The following ACBD7 variants were observed in gnomAD, a reference collection of about 807,000 sequenced individuals.
ACBD7 encodes acyl-CoA binding domain containing 7, also known as acyl-CoA-binding domain-containing protein 7.
Under a neutral mutation model 13.7 loss-of-function variants are expected in ACBD7, and 11 were observed. The observed-to-expected ratio is 0.80, with a 90% CI of 0.50 to 1.33. ACBD7 has a LOEUF of 1.33. Among genes scored for constraint, ACBD7 ranks in the 40% most tolerant of loss-of-function variants. The probability of loss-of-function intolerance (pLI) is 0.00; values close to 1 mark genes in which losing one functional copy is unlikely to be tolerated. For missense variants in ACBD7, 111 were observed against 103.0 expected, an observed-to-expected ratio of 1.08 and a Z score of -0.33; for synonymous variants, 43 against 37.7, an observed-to-expected ratio of 1.14 and a Z score of -0.51.
At position 15,086,281 on chromosome 10, in the gene ACBD7, T is replaced by C. The variant is rs187068070; in HGVS notation, c.12+2436A>G. Among the ~76,000 whole-genome samples the C allele has an allele frequency of 3.2e-3, 479 of 151,656 alleles. 4 individuals carry two copies. The highest frequency in any genetic ancestry group is 0.011 in the African/African-American group (439 of 41,296). ...AAGATCACGCCATTGCACTCCAGCC[T>C]GGGCAACAGAGCAAGACACCATCTC... On this transcript the variant is annotated intron_variant, in intron 1 of 3. Transcript: ENST00000356189.
chr10:15,088,331 A>C (rs779810803), intron 1 of ACBD7: 1 of 269,980 alleles, frequency 3.7e-6, no homozygotes, highest in Non-Finnish European at 6.9e-6. Flanking sequence ...TTTAAATTGG[A>C]GCCTCACAGA....
intron 1 of ACBD7, among the ~76,000 whole-genome samples, chr10:15,081,382 AATAAG>A (rs1415255698): frequency 6.6e-6 from 1 of 152,198 alleles, no homozygotes; most frequent in Non-Finnish European, 1.5e-5. Context: ...TTTAGCAGGA[AATAAG>A]ATAAGGGTAA....
At position 15,088,702 on chromosome 10, in the gene ACBD7, C is replaced by T. The variant is rs1844838425; in HGVS notation, c.12+15G>A. 6.3e-7 allele frequency: 1 copy of T among 1,597,062 alleles called. No homozygotes were observed. The highest frequency in any genetic ancestry group is 1.4e-5 in the African/African-American group (1 of 73,014). On this transcript the variant is annotated intron_variant, in intron 1 of 3. Coordinates refer to ENST00000356189, the MANE Select transcript of ACBD7 (RefSeq NM_001039844.3). ...GGAGCGCCCCTCCCGCGTGGCCTCC[C>T]CGCGCCCCGGGTACCTGCAGGGCCA...
At position 15,076,461 on chromosome 10, in the gene ACBD7, G is replaced by A. The variant is rs1205193725; in HGVS notation, c.*2069C>T. 4 of 967,812 alleles carry A rather than the reference G, an allele frequency of 4.1e-6. No homozygotes were observed. Among genetic ancestry groups the A allele is most frequent in the Non-Finnish European group, 4.9e-6 (4 of 814,476 alleles). The allele number at this position is 967,812 out of a possible 1,614,324, so 60.0% of individuals were successfully genotyped here. The stretch of plus-strand genomic sequence containing the variant: ...TAAAGAAAAATAGATATTCCTATGG[G>A]GGCTTTTTAAATTTCTTTAAACTGC... On this transcript the variant is annotated 3_prime_UTR_variant, in exon 4 of 4. Coordinates refer to ENST00000356189, the MANE Select transcript of ACBD7 (RefSeq NM_001039844.3).
At position 15,075,973 on chromosome 10, in the gene ACBD7, CAA is replaced by C. The variant is rs1444383590; in HGVS notation, c.*2555_*2556del. Reference sequence around the variant, plus strand: ...TGGGTAACAGAGTGACAGCCTGTCTCAACAAAAAAAAAAAAAAAAAAAAAGAA... The same window carrying C: ...TGGGTAACAGAGTGACAGCCTGTCTCCAAAAAAAAAAAAAAAAAAAAAGAA... On this transcript the variant is annotated 3_prime_UTR_variant, in exon 4 of 4. Coordinates refer to ENST00000356189, the MANE Select transcript of ACBD7 (RefSeq NM_001039844.3). The C allele has an allele frequency of 5.2e-5, 17 of 329,446 alleles. No individual in the cohort carries two copies. In the African/African-American group the frequency reaches 9.6e-4, roughly 19 times the overall value. The allele number at this position is 329,446 out of a possible 1,614,324, so 20.4% of individuals were successfully genotyped here. A position where few individuals can be genotyped will look rare whatever the true frequency, so the allele number is the denominator to read the frequency against.
In ACBD7 at chr10:15,078,685, A is replaced by T. The variant is rs1352481540; in HGVS notation, c.193+6T>A. Reference sequence around the variant, plus strand: ...TTTGCTTTAAACTTGTGAAAGACTAAAAAACCTTTTTTGAGGTTCCATGCT... The same window carrying T: ...TTTGCTTTAAACTTGTGAAAGACTATAAAACCTTTTTTGAGGTTCCATGCT... On this transcript the variant is annotated splice_donor_region_variant and intron_variant, in intron 3 of 3. Transcript: ENST00000356189. The T allele has an allele frequency of 6.2e-7, 1 of 1,614,076 alleles. No homozygotes were observed. The highest frequency in any genetic ancestry group is 2.2e-5 in the East Asian group (1 of 44,872).
chr10:15,085,513 T>TA (rs1450776923), intron 1 of ACBD7, among the ~76,000 whole-genome samples: 1 of 152,230 alleles, frequency 6.6e-6, no homozygotes, highest in Admixed American at 6.5e-5. Context: ...ATTAAGAAGA[T>TA]AAAAAATTCT....
chr10:15,079,946 G>A (rs886336623), intron 1 of ACBD7, among the ~76,000 whole-genome samples: 1 of 149,666 alleles, frequency 6.7e-6, no homozygotes, highest in African/African-American at 2.5e-5. Context: ...TCGCAGATGC[G>A]CCCTTCCTCT....
chr10:15,088,738 T>A lies in ACBD7; in HGVS notation c.-10A>T. On this transcript the variant is annotated 5_prime_UTR_variant, in exon 1 of 4. Transcript: ENST00000356189. ...GTACCTGCAGGGCCATGGTGGCGGC[T>A]GCCGCGTTGTTGCTGCTGCTGTTGT... is the stretch of plus-strand genomic sequence containing the variant. 1 of 1,598,404 alleles carries A rather than the reference T, an allele frequency of 6.3e-7. No individual in the cohort carries two copies. Among genetic ancestry groups the A allele is most frequent in the Non-Finnish European group, 8.5e-7 (1 of 1,175,394 alleles).
intron 1 of ACBD7, among the ~76,000 whole-genome samples, chr10:15,083,204 C>T (rs1844770051): frequency 6.6e-6 from 1 of 151,982 alleles, no homozygotes; most frequent in Non-Finnish European, 1.5e-5. Flanking sequence ...GCATCATTCT[C>T]TCTGTCTAGC....
chr10:15,084,666 G>A (rs1183316561), intron 1 of ACBD7, among the ~76,000 whole-genome samples: 2 of 152,106 alleles, frequency 1.3e-5, no homozygotes, highest in Non-Finnish European at 2.9e-5. Flanking sequence ...ATGAAGTAGC[G>A]GCCTGCAATC....
At chr10:15,081,741 T>C (rs965642563) in intron 1 of ACBD7, among the ~76,000 whole-genome samples, 2 of 152,152 alleles carry the variant, frequency 1.3e-5, no homozygotes, top group Admixed American at 6.5e-5. Context: ...ACCAGAACAG[T>C]TGTTTTGTGA....
In ACBD7 at chr10:15,078,976, A is replaced by G. The variant is rs750500301; in HGVS notation, c.77T>C (p.Leu26Pro). ...KLKARPDDGE[L>P]KELYGLYKQA... ...TTTGTAAAGCCCATAGAGTTCTTTC[A>G]GTTCTCCATCATCTGGTCTTGCTTT... Residue 26 changes from leucine to proline, a missense_variant, in exon 2 of 4, where the codon CTG (leucine) becomes CCG (proline). Coordinates refer to ENST00000356189, the MANE Select transcript of ACBD7 (RefSeq NM_001039844.3). 5 of 1,608,394 alleles carry G rather than the reference A, an allele frequency of 3.1e-6. No individual in the cohort carries two copies. Among genetic ancestry groups the G allele is most frequent in the Non-Finnish European group, 4.2e-6 (5 of 1,177,258 alleles).
intron 1 of ACBD7, among the ~76,000 whole-genome samples, chr10:15,082,684 C>G (rs1234691714): frequency 6.6e-6 from 1 of 152,102 alleles, no homozygotes; most frequent in African/African-American, 2.4e-5. Context: ...TTTCCAGTGA[C>G]AGCAACTCGA....
At chr10:15,084,546 G>A (rs1844787387) in intron 1 of ACBD7, among the ~76,000 whole-genome samples, 1 of 152,196 alleles carries the variant, frequency 6.6e-6, no homozygotes, top group African/African-American at 2.4e-5. Context: ...ACATTCCACA[G>A]GGTGGGAGCA....
Position 15,078,485 on chromosome 10 carries a change from G to A in ACBD7, c.*45C>T. ...TCCCTCTAAATGTTAGGTCATGATA[G>A]CATTTGGAAGTCTTCAAAAGGAAAA... On this transcript the variant is annotated 3_prime_UTR_variant, in exon 4 of 4. Transcript: ENST00000356189. 6.2e-7 allele frequency: 1 copy of A among 1,612,406 alleles called. No individual in the cohort carries two copies. The highest frequency in any genetic ancestry group is 1.3e-5 in the African/African-American group (1 of 74,954).
intron 1 of ACBD7, among the ~76,000 whole-genome samples, chr10:15,083,866 T>C (rs1589261274): frequency 6.6e-6 from 1 of 152,124 alleles, no homozygotes; most frequent in Non-Finnish European, 1.5e-5. Context: ...TTAACAAACC[T>C]ACTTACTGAA....
rs939801621 is a variant in ACBD7 at position 15,076,997 on chromosome 10, T to C, written c.*1533A>G. On this transcript the variant is annotated 3_prime_UTR_variant, in exon 4 of 4. Transcript: ENST00000356189. The stretch of plus-strand genomic sequence containing the variant: ...TATACACTATTGGTGGGAATGTAAA[T>C]TAGTACAACCTCTATGAAAAACAGC... 7.7e-6 allele frequency: 7 copies of C among 910,408 alleles called. No individual in the cohort carries two copies. Among genetic ancestry groups the C allele is most frequent in the Non-Finnish European group, 9.2e-6 (7 of 761,846 alleles). 56.4% of individuals were successfully genotyped at this position (910,408 alleles called of 1,614,324 possible).
At chr10:15,085,845 T>C (rs528040664) in intron 1 of ACBD7, among the ~76,000 whole-genome samples, 2 of 152,158 alleles carry the variant, frequency 1.3e-5, no homozygotes, top group South Asian at 4.1e-4. Context: ...TATTCTTGTG[T>C]AAATAAATAG....
Sources: allele counts gnomAD v4.1 joint callset (sites outside exome capture counted in the v4.1 genomes callset), GRCh38; gene constraint gnomAD v4.1.1; transcripts MANE v1.5; gene names NCBI Gene and HGNC (gene_info 2026-07-23, HGNC 2026-07-21).